Variants in MALRD1 observed in about 807,000 individuals in gnomAD.
The protein encoded by MALRD1 is MAM and LDL-receptor class A domain-containing protein 1.
In MALRD1, 247 loss-of-function variants were observed where a neutral mutation model predicts 242.1. That is an observed-to-expected ratio of 1.02 (90% CI 0.92 to 1.13). The LOEUF (loss-of-function observed/expected upper bound fraction) is 1.13, where lower values mean the gene tolerates loss of function less well. Ranked by LOEUF, MALRD1 falls within the 50% of genes most tolerant of loss-of-function variation. The probability of loss-of-function intolerance (pLI) is 0.00; values close to 1 mark genes in which losing one functional copy is unlikely to be tolerated. For missense variants in MALRD1, 2,989 were observed against 2,533.1 expected (o/e 1.18, Z -3.86); for synonymous variants, 995 against 866.6 (o/e 1.15, Z -2.60).
intron 30 of MALRD1, among the ~76,000 whole-genome samples, chr10:19,497,468 G>A (rs1251237094): frequency 1.3e-5 from 2 of 151,702 alleles, no homozygotes; most frequent in Admixed American, 6.6e-5. Flanking sequence ...TAATGCTTGA[G>A]AAGTAAAATG....
At chr10:19,362,456 G>C (rs147411027) in intron 26 of MALRD1, among the ~76,000 whole-genome samples, 1 of 152,078 alleles carries the variant, frequency 6.6e-6, no homozygotes, top group Admixed American at 6.6e-5. Flanking sequence ...AATTTCATGG[G>C]AGGTTATTTG....
At chr10:19,634,494 T>G (rs1840039811) in intron 36 of MALRD1, among the ~76,000 whole-genome samples, 1 of 152,126 alleles carries the variant, frequency 6.6e-6, no homozygotes, top group African/African-American at 2.4e-5. Context: ...GAAATGTTAT[T>G]CAAGTGTAGC....
chr10:19,563,884 C>G (rs557163116), intron 32 of MALRD1, among the ~76,000 whole-genome samples: 1 of 151,978 alleles, frequency 6.6e-6, no homozygotes, highest in African/African-American at 2.4e-5. Context: ...TCTCTTATGG[C>G]TGATAGTGAG....
intron 1 of MALRD1, among the ~76,000 whole-genome samples, chr10:19,057,530 G>C (rs146728639): frequency 0.012 from 1,760 of 152,094 alleles, 29 homozygotes; most frequent in African/African-American, 0.041. Flanking sequence ...GAATTTGAGG[G>C]GACACACACA....
intron 7 of MALRD1, among the ~76,000 whole-genome samples, chr10:19,125,313 CCTTCCTTCCTT>C (rs1837228119): frequency 1.6e-5 from 1 of 63,218 alleles, no homozygotes; most frequent in African/African-American, 8.2e-5. Context: ...TTCCTTCCTT[CCTTCCTTCCTT>C]CTTTCTTTCT....
chr10:19,584,034 G>C (rs1426834358), intron 33 of MALRD1, among the ~76,000 whole-genome samples: 2 of 151,428 alleles, frequency 1.3e-5, no homozygotes, highest in African/African-American at 2.4e-5. Flanking sequence ...AGTATTCTCT[G>C]ATGGTAGTTT....
At chr10:19,334,808 C>A (rs1843531185) in intron 24 of MALRD1, among the ~76,000 whole-genome samples, 1 of 152,006 alleles carries the variant, frequency 6.6e-6, no homozygotes, top group Non-Finnish European at 1.5e-5. Flanking sequence ...TTAAATATTA[C>A]ACAAATAAGG....
rs118127786 is a variant in MALRD1 at position 19,654,249 on chromosome 10, C to T, written c.6138-38033C>T. ...ATTTGATGGATAAAAGACTAAGCCA[C>T]GATTAAGAAAAGGGAAAGAAAACAA... is the stretch of plus-strand genomic sequence containing the variant. On this transcript the variant is annotated intron_variant, in intron 36 of 39. Coordinates refer to ENST00000454679, the MANE Select transcript of MALRD1 (RefSeq NM_001142308.3). Among the ~76,000 whole-genome samples the T allele has an allele frequency of 2.6e-3, 392 of 151,884 alleles. 10 individuals carry two copies. In the East Asian group the frequency reaches 0.043, roughly 17 times the overall value.
rs1415067174 is a variant in MALRD1, at chr10:19,389,478, G to T, written c.4714G>T (p.Ala1572Ser). 1.3e-6 allele frequency: 2 copies of T among 1,550,482 alleles called. No homozygotes were observed. Among genetic ancestry groups the T allele is most frequent in the Non-Finnish European group, 1.7e-6 (2 of 1,146,968 alleles). The change falls in exon 28 of 40, where the codon GCA becomes TCA. Residue 1572 changes from alanine (A) to serine (S), a missense_variant. Ala to Ser is a moderately conservative substitution (Grantham distance 99). Transcript: ENST00000454679. ...NGHFMYLEATAVGLRGDKAHF... is the reference protein window; with the variant it reads ...NGHFMYLEATSVGLRGDKAHF... ...GCACTTCATGTATCTGGAAGCTACT[G>T]CAGTGGGCCTTCGGGGTGACAAAGC...
intron 2 of MALRD1, among the ~76,000 whole-genome samples, chr10:19,079,911 C>A (rs188302505): frequency 6.6e-6 from 1 of 152,134 alleles, no homozygotes; most frequent in Non-Finnish European, 1.5e-5. Flanking sequence ...TGATAAGCAA[C>A]TTCAGCAATC....
At chr10:19,116,619 T>C (rs1836879014) in intron 5 of MALRD1, among the ~76,000 whole-genome samples, 1 of 152,186 alleles carries the variant, frequency 6.6e-6, no homozygotes. Context: ...TTTCATTTAA[T>C]CTGTTTGTGC....
chr10:19,260,290 TAGAC>T (rs1409666044), intron 19 of MALRD1, among the ~76,000 whole-genome samples: 4 of 145,926 alleles, frequency 2.7e-5, no homozygotes, highest in Non-Finnish European at 6.2e-5. Flanking sequence ...GACAGATAGA[TAGAC>T]AGACAGATAG....
chr10:19,616,721 TAATC>T (rs1476461788), intron 36 of MALRD1, among the ~76,000 whole-genome samples: 2 of 152,008 alleles, frequency 1.3e-5, no homozygotes, highest in Admixed American at 1.3e-4. Flanking sequence ...ATTCCTGTCT[TAATC>T]AACACACATA....
At chr10:19,050,087 T>C (rs1202823991) in intron 1 of MALRD1, among the ~76,000 whole-genome samples, 3 of 141,722 alleles carry the variant, frequency 2.1e-5, no homozygotes, top group African/African-American at 7.9e-5. Flanking sequence ...TGTCTTCTTT[T>C]TTTTTTTTTT....
At chr10:19,461,283 G>A (rs1835927728) in intron 29 of MALRD1, among the ~76,000 whole-genome samples, 1 of 152,160 alleles carries the variant, frequency 6.6e-6, no homozygotes, top group South Asian at 2.1e-4. Flanking sequence ...GAGGAACTGG[G>A]AAATGAAGAG....
At chr10:19,589,152 A>T (rs1409102526) in intron 33 of MALRD1, among the ~76,000 whole-genome samples, 1 of 152,252 alleles carries the variant, frequency 6.6e-6, no homozygotes, top group Admixed American at 6.5e-5. Context: ...AGACTGAAAC[A>T]TAGGTTCTAA....
chr10:19,692,251 T>C (rs932210933), intron 36 of MALRD1, 31 bp from the exon 37 acceptor site: 1 of 1,492,942 alleles, frequency 6.7e-7, no homozygotes, highest in Non-Finnish European at 9.0e-7. Flanking sequence ...CTTTTCTTTT[T>C]TCCAACTATT....
intron 36 of MALRD1, among the ~76,000 whole-genome samples, chr10:19,663,246 A>G (rs1464915988): frequency 6.6e-6 from 1 of 152,078 alleles, no homozygotes; most frequent in Non-Finnish European, 1.5e-5. Context: ...CAAATTATTT[A>G]GCTCCCACTT....
chr10:19,318,701 G>A (rs565976483), intron 21 of MALRD1, among the ~76,000 whole-genome samples: 7 of 151,820 alleles, frequency 4.6e-5, no homozygotes, highest in African/African-American at 1.7e-4. Context: ...TCCCCAGCCT[G>A]AAACAGTGAT....
Sources: gnomAD v4.1 joint callset for allele counts (sites outside exome capture counted in the v4.1 genomes callset) on GRCh38, gnomAD v4.1.1 for gene constraint, MANE v1.5 for transcripts, NCBI Gene and HGNC (gene_info 2026-07-23, HGNC 2026-07-21) for gene names.